Variants in MYRFL observed in about 807,000 individuals in gnomAD.
The protein encoded by MYRFL is myelin regulatory factor-like protein.
In MYRFL, 88 loss-of-function variants were observed where a neutral mutation model predicts 109.4. That is an observed-to-expected ratio of 0.80 (90% CI 0.68 to 0.96). MYRFL has a LOEUF of 0.96. MYRFL is among the 40% of genes least tolerant of loss of function. The pLI is 0.00. For missense variants in MYRFL, 957 were observed against 954.9 expected, an observed-to-expected ratio of 1.00 and a Z score of -0.03; for synonymous variants, 324 against 320.9, an observed-to-expected ratio of 1.01 and a Z score of -0.10.
chr12:69,870,716 G>A (rs552550584), intron 2 of MYRFL, among the ~76,000 whole-genome samples: 16 of 152,298 alleles, frequency 1.1e-4, no homozygotes, highest in Middle Eastern at 3.4e-3. Context: ...ATTGAGCATG[G>A]AAGCATATAA....
At chr12:69,865,076 A>G (rs1333776831) in intron 2 of MYRFL, among the ~76,000 whole-genome samples, 2 of 152,326 alleles carry the variant, frequency 1.3e-5, no homozygotes, top group East Asian at 3.9e-4. Context: ...GTGTGATACC[A>G]TTCCTTGTCC....
chr12:69,873,021 G>A (rs998828908), intron 2 of MYRFL, among the ~76,000 whole-genome samples: 6 of 152,152 alleles, frequency 3.9e-5, no homozygotes, highest in Admixed American at 2.6e-4. Flanking sequence ...TGGAGGATAT[G>A]TTGCAATACC....
At chr12:69,904,729 A>G (rs550497667) in intron 11 of MYRFL, among the ~76,000 whole-genome samples, 78 of 152,248 alleles carry the variant, frequency 5.1e-4, no homozygotes, top group African/African-American at 1.9e-3. Context: ...ATTATTTCCC[A>G]TGCATTGCTT....
chr12:69,909,903 T>C, intron 11 of MYRFL, 66 bp from the exon 12 acceptor site: 2 of 1,125,542 alleles, frequency 1.8e-6, no homozygotes, highest in Non-Finnish European at 2.5e-6. Context: ...TCTGGGTCAC[T>C]CTGGGCATTA....
intron 1 of MYRFL, among the ~76,000 whole-genome samples, chr12:69,833,323 T>C (rs1882746236): frequency 6.6e-6 from 1 of 152,226 alleles, no homozygotes; most frequent in East Asian, 1.9e-4. Context: ...AAGAAGAATA[T>C]GGTTAAACGT....
chr12:69,855,819 A>G (rs1884243904), intron 2 of MYRFL, among the ~76,000 whole-genome samples: 1 of 151,232 alleles, frequency 6.6e-6, no homozygotes, highest in Admixed American at 6.6e-5. Flanking sequence ...CATGAAGTTT[A>G]TCAGTTTTTT....
intron 19 of MYRFL, among the ~76,000 whole-genome samples, chr12:69,937,839 T>C (rs1302397618): frequency 2.0e-5 from 3 of 152,242 alleles, no homozygotes; most frequent in Non-Finnish European, 4.4e-5. Context: ...CTTGGTTAAA[T>C]AACTTTTACA....
intron 16 of MYRFL, among the ~76,000 whole-genome samples, chr12:69,934,161 GA>G (rs945091862): frequency 1.3e-5 from 2 of 152,196 alleles, no homozygotes; most frequent in African/African-American, 2.4e-5. Context: ...TGTGACACAG[GA>G]CTTTTCTCAG....
rs1342999618 is a variant in MYRFL at position 69,927,733 on chromosome 12, T to TA, written c.1823dup (p.Asn608LysfsTer15). On this transcript the variant is annotated frameshift_variant, in exon 15 of 25. Coordinates refer to ENST00000552032, the MANE Select transcript of MYRFL (RefSeq NM_182530.3). LOFTEE classifies it high-confidence loss of function. ...CATCTTCTCCAAGAAGGGCCGTTCA[T>TA]AAAAAAAACAACAAGGTAAATAGAC... is the stretch of plus-strand genomic sequence containing the variant. 3.9e-5 allele frequency: 59 copies of TA among 1,531,198 alleles called. No homozygotes were observed. Among genetic ancestry groups the TA allele is most frequent in the Admixed American group, 3.6e-4 (18 of 50,446 alleles). The allele number at this position is 1,531,198 out of a possible 1,614,324, so 94.9% of individuals were successfully genotyped here. A position where few individuals can be genotyped will look rare whatever the true frequency, so the allele number is the denominator to read the frequency against.
intron 17 of MYRFL, 26 bp downstream of exon 17, chr12:69,936,213 C>G (rs1210570541): frequency 6.5e-7 from 1 of 1,531,746 alleles, no homozygotes; most frequent in South Asian, 1.2e-5. Context: ...AATTTTCTGG[C>G]CTAAAATTCC....
At chr12:69,883,706 T>TAAAAAAAA in intron 5 of MYRFL, among the ~76,000 whole-genome samples, 1 of 125,468 alleles carries the variant, frequency 8.0e-6, no homozygotes, top group Non-Finnish European at 1.6e-5. Context: ...CTACAAAAAG[T>TAAAAAAAA]AAAAAAAAAA....
At chr12:69,862,858 C>A (rs1050739806) in intron 2 of MYRFL, among the ~76,000 whole-genome samples, 1 of 152,030 alleles carries the variant, frequency 6.6e-6, no homozygotes, top group Admixed American at 6.6e-5. Context: ...CCAGTTTTTG[C>A]CCATTCAGTA....
chr12:69,927,799 G>T (rs1428818776), intron 15 of MYRFL, 51 bp downstream of exon 15: 17 of 1,459,138 alleles, frequency 1.2e-5, no homozygotes, highest in Non-Finnish European at 1.4e-5. Context: ...TACTTAAAAA[G>T]TCTTTAGAGA....
intron 13 of MYRFL, among the ~76,000 whole-genome samples, chr12:69,917,103 T>C (rs1954757187): frequency 6.6e-6 from 1 of 152,150 alleles, no homozygotes; most frequent in African/African-American, 2.4e-5. Context: ...TAAAGACTCT[T>C]CAGATGATCT....
Position 69,825,510 on chromosome 12 carries a change from A to G in MYRFL, c.-8A>G, listed in dbSNP as rs1269950368. On this transcript the variant is annotated 5_prime_UTR_variant, in exon 1 of 25. Coordinates refer to ENST00000552032, the MANE Select transcript of MYRFL (RefSeq NM_182530.3). ...TTTATGAGGAAATAGTACTAGGATCACAGTACCATGGATGTGGTAGGCGAA... is the reference window on the plus strand; with the variant it reads ...TTTATGAGGAAATAGTACTAGGATCGCAGTACCATGGATGTGGTAGGCGAA... 2 of 701,854 alleles carry G rather than the reference A, an allele frequency of 2.8e-6. No homozygotes were observed. The highest frequency in any genetic ancestry group is 2.6e-6 in the Non-Finnish European group (1 of 384,246). 43.5% of individuals were successfully genotyped at this position (701,854 alleles called of 1,614,324 possible).
Position 69,958,531 on chromosome 12 carries a change from A to G in MYRFL, c.2733A>G (p.Ter911=). The part of the protein sequence containing the change: ...YFFYFYRRCA[*] Reference sequence around the variant, plus strand: ...TTTACTTCTATCGACGCTGTGCCTAATTTGTTCAAGTTTGGGGACTTTACC... The same window carrying G: ...TTTACTTCTATCGACGCTGTGCCTAGTTTGTTCAAGTTTGGGGACTTTACC... Residue 911 remains the stop codon, a stop_retained_variant, in exon 25 of 25, where the codon TAA becomes TAG. Coordinates refer to ENST00000552032, the MANE Select transcript of MYRFL (RefSeq NM_182530.3). 6.5e-7 allele frequency: 1 copy of G among 1,530,740 alleles called. No individual in the cohort carries two copies. Among genetic ancestry groups the G allele is most frequent in the African/African-American group, 1.4e-5 (1 of 72,850 alleles). 94.8% of individuals were successfully genotyped at this position (1,530,740 alleles called of 1,614,324 possible).
At chr12:69,956,319 C>G (rs80227568) in intron 22 of MYRFL, among the ~76,000 whole-genome samples, 5,105 of 152,162 alleles carry the variant, frequency 0.034, 302 homozygotes, top group African/African-American at 0.12. Flanking sequence ...TGTAAGGACA[C>G]TGCCCTTTCC....
intron 2 of MYRFL, among the ~76,000 whole-genome samples, chr12:69,870,227 ATTTTTT>A (rs71094744): frequency 2.5e-4 from 28 of 110,698 alleles, no homozygotes; most frequent in East Asian, 1.3e-3. Context: ...CGTCTGGCTA[ATTTTTT>A]TTTTTTTTTT....
chr12:69,862,791 A>G (rs979496736), intron 2 of MYRFL, among the ~76,000 whole-genome samples: 86 of 152,290 alleles, frequency 5.6e-4, no homozygotes, highest in Non-Finnish European at 1.0e-3. Context: ...ACTACGTTGA[A>G]TAGGAGTGGT....
Sources: allele counts gnomAD v4.1 joint callset (sites outside exome capture counted in the v4.1 genomes callset), GRCh38; gene constraint gnomAD v4.1.1; transcripts MANE v1.5; gene names NCBI Gene and HGNC (gene_info 2026-07-23, HGNC 2026-07-21).